The following RNF150 variants were observed in gnomAD, a reference collection of about 807,000 sequenced individuals.
The protein encoded by RNF150 is ring finger protein 150.
Under a neutral mutation model 39.3 loss-of-function variants are expected in RNF150, and 24 were observed. The observed-to-expected ratio is 0.61, with a 90% CI of 0.44 to 0.86. RNF150 has a LOEUF of 0.86. Among genes scored for constraint, RNF150 ranks in the 40% least tolerant of loss-of-function variants. The pLI is 0.00. For synonymous variants in RNF150, 255 were observed against 227.3 expected (o/e 1.12, Z -1.10); for missense variants, 502 against 587.8 (o/e 0.85, Z 1.51).
At chr4:140,892,955 C>T (rs1020264260) in intron 6 of RNF150, among the ~76,000 whole-genome samples, 25 of 152,070 alleles carry the variant, frequency 1.6e-4, no homozygotes, top group African/African-American at 6.0e-4. Flanking sequence ...GTAGTCCCAG[C>T]TACTCAGGAG....
intron 1 of RNF150, among the ~76,000 whole-genome samples, chr4:141,170,444 A>T (rs1007856818): frequency 3.3e-5 from 5 of 152,300 alleles, no homozygotes; most frequent in African/African-American, 1.2e-4. Context: ...TTTTTTACAC[A>T]ACAGATTAAA....
intron 6 of RNF150, among the ~76,000 whole-genome samples, chr4:140,910,741 G>A (rs191924928): frequency 3.4e-4 from 52 of 152,252 alleles, no homozygotes; most frequent in East Asian, 2.5e-3. Context: ...GCGAGCATGC[G>A]CAGGTGAGTG....
intron 1 of RNF150, among the ~76,000 whole-genome samples, chr4:141,207,308 G>C (rs1405198080): frequency 6.6e-6 from 1 of 152,146 alleles, no homozygotes; most frequent in Admixed American, 6.5e-5. Context: ...CTAATTGCAT[G>C]AGCCCTTAAA....
At chr4:141,191,252 T>C (rs1239629853) in intron 1 of RNF150, among the ~76,000 whole-genome samples, 1 of 152,192 alleles carries the variant, frequency 6.6e-6, no homozygotes, top group Admixed American at 6.5e-5. Context: ...TAGGTCATGG[T>C]CCTGATTCTC....
At chr4:141,123,323 T>C (rs1726663033) in intron 1 of RNF150, among the ~76,000 whole-genome samples, 2 of 152,150 alleles carry the variant, frequency 1.3e-5, no homozygotes, top group South Asian at 4.1e-4. Flanking sequence ...AGAGCAAAGA[T>C]CACCTGGTAA....
At chr4:141,130,166 G>A (rs1195224201) in intron 1 of RNF150, among the ~76,000 whole-genome samples, 1 of 152,162 alleles carries the variant, frequency 6.6e-6, no homozygotes, top group Non-Finnish European at 1.5e-5. Context: ...AGCCAGACAA[G>A]AGCTGGCAGT....
intron 6 of RNF150, among the ~76,000 whole-genome samples, chr4:140,888,705 T>TA (rs1221420894): frequency 6.6e-6 from 1 of 152,224 alleles, no homozygotes; most frequent in African/African-American, 2.4e-5. Context: ...ACAGCTCATG[T>TA]AGCAGTCTCT....
chr4:141,081,594 G>A (rs185646520), intron 1 of RNF150, among the ~76,000 whole-genome samples: 3 of 152,232 alleles, frequency 2.0e-5, no homozygotes, highest in East Asian at 3.9e-4. Flanking sequence ...CCTGAATACT[G>A]GTTAAAGGAA....
chr4:140,884,711 C>T (rs1346564919), intron 6 of RNF150, among the ~76,000 whole-genome samples: 1 of 152,162 alleles, frequency 6.6e-6, no homozygotes, highest in African/African-American at 2.4e-5. Flanking sequence ...CCCTGACCTG[C>T]TGCCTTGTTC....
chr4:140,895,903 A>G (rs553449627), intron 6 of RNF150, among the ~76,000 whole-genome samples: 2 of 150,498 alleles, frequency 1.3e-5, no homozygotes, highest in East Asian at 3.9e-4. Flanking sequence ...TCTCAAAAGA[A>G]GACATTTATG....
At chr4:141,008,912 T>C (rs1208797318) in intron 1 of RNF150, among the ~76,000 whole-genome samples, 1 of 152,190 alleles carries the variant, frequency 6.6e-6, no homozygotes, top group East Asian at 1.9e-4. Flanking sequence ...TACATAAATT[T>C]AACATTAGAT....
chr4:141,056,534 G>C (rs1736979563), intron 1 of RNF150, among the ~76,000 whole-genome samples: 1 of 151,910 alleles, frequency 6.6e-6, no homozygotes, highest in Non-Finnish European at 1.5e-5. Flanking sequence ...GATCACCCAT[G>C]GTCTTTTTAT....
intron 4 of RNF150, among the ~76,000 whole-genome samples, chr4:140,940,052 T>A (rs1403633096): frequency 1.3e-5 from 2 of 152,164 alleles, no homozygotes; most frequent in East Asian, 3.9e-4. Flanking sequence ...GTGTTGTGTA[T>A]AAAGCACAAA....
intron 1 of RNF150, among the ~76,000 whole-genome samples, chr4:141,027,912 GTTTTTT>G (rs749317137): frequency 3.7e-5 from 1 of 27,102 alleles, no homozygotes; most frequent in Non-Finnish European, 8.6e-5. Context: ...CTTGGAATTT[GTTTTTT>G]TTTTTTTGTT....
At chr4:141,163,162 C>G (rs1727544154) in intron 1 of RNF150, among the ~76,000 whole-genome samples, 1 of 152,164 alleles carries the variant, frequency 6.6e-6, no homozygotes, top group Admixed American at 6.5e-5. Flanking sequence ...CGGTTTTCCC[C>G]TCACAGTGTA....
In RNF150 at chr4:140,865,823, C is replaced by T. The variant is rs1487308930; in HGVS notation, c.*2438G>A. On this transcript the variant is annotated 3_prime_UTR_variant, in exon 7 of 7. Transcript: ENST00000515673. ...AATACTCGTTAATCAGAGGACTAAA[C>T]AATCCAAAGCGCATTCTCTCTCTGG... is the stretch of plus-strand genomic sequence containing the variant. The T allele has an allele frequency of 6.6e-6, 1 of 152,558 alleles. No homozygotes were observed. Among genetic ancestry groups the T allele is most frequent in the Non-Finnish European group, 1.5e-5 (1 of 68,040 alleles). 9.5% of individuals were successfully genotyped at this position (152,558 alleles called of 1,614,324 possible).
At chr4:140,941,131 T>G (rs1024410610) in intron 4 of RNF150, among the ~76,000 whole-genome samples, 1 of 152,196 alleles carries the variant, frequency 6.6e-6, no homozygotes, top group Non-Finnish European at 1.5e-5. Context: ...AAAAAACACC[T>G]TTTGGCTATA....
intron 1 of RNF150, among the ~76,000 whole-genome samples, chr4:141,091,435 G>A (rs919354563): frequency 1.3e-5 from 2 of 152,158 alleles, no homozygotes; most frequent in African/African-American, 4.8e-5. Flanking sequence ...ATCTGTGGAG[G>A]TTGTTCAGCC....
intron 1 of RNF150, among the ~76,000 whole-genome samples, chr4:141,153,242 C>G (rs1727330485): frequency 6.6e-6 from 1 of 151,946 alleles, no homozygotes; most frequent in Non-Finnish European, 1.5e-5. Flanking sequence ...TTTATTGATT[C>G]GTTTATTGAA....
Sources: allele counts gnomAD v4.1 joint callset (sites outside exome capture counted in the v4.1 genomes callset), GRCh38; gene constraint gnomAD v4.1.1; transcripts MANE v1.5; gene names NCBI Gene and HGNC (gene_info 2026-07-23, HGNC 2026-07-21).